AIG1: variants seen among roughly 807,000 people sequenced by gnomAD.
The protein encoded by AIG1 is androgen-induced gene 1 protein.
Under a neutral mutation model 31.4 loss-of-function variants are expected in AIG1, and 23 were observed. That is an observed-to-expected ratio of 0.73 (90% CI 0.53 to 1.04). The LOEUF (loss-of-function observed/expected upper bound fraction) is 1.04, where lower values mean the gene tolerates loss of function less well. Ranked by LOEUF, AIG1 falls within the 50% of genes least tolerant of loss-of-function variation. AIG1 has a pLI of 0.00. For synonymous variants in AIG1, 100 were observed against 110.5 expected, an observed-to-expected ratio of 0.90 and a Z score of 0.60; for missense variants, 274 against 295.0, an observed-to-expected ratio of 0.93 and a Z score of 0.52.
At chr6:143,077,931 T>C (rs1412215878) in intron 1 of AIG1, among the ~76,000 whole-genome samples, 1 of 152,256 alleles carries the variant, frequency 6.6e-6, no homozygotes, top group Non-Finnish European at 1.5e-5. Context: ...ATGAGGATCC[T>C]ACTCCTTTAA....
At chr6:143,102,708 A>G (rs1656792151) in intron 1 of AIG1, among the ~76,000 whole-genome samples, 1 of 151,488 alleles carries the variant, frequency 6.6e-6, no homozygotes, top group South Asian at 2.1e-4. Context: ...TCCCCTCTCT[A>G]CTCCTTTACA....
intron 2 of AIG1, among the ~76,000 whole-genome samples, chr6:143,146,479 C>A (rs1342492435): frequency 6.6e-6 from 1 of 151,276 alleles, no homozygotes; most frequent in Non-Finnish European, 1.5e-5. Flanking sequence ...TATCTCACTC[C>A]CCCCTCTTTC....
chr6:143,221,149 T>C (rs570434063), intron 3 of AIG1, among the ~76,000 whole-genome samples: 7 of 152,316 alleles, frequency 4.6e-5, no homozygotes, highest in African/African-American at 1.7e-4. Flanking sequence ...ATATTCTTTT[T>C]CTTAGCTAGT....
chr6:143,195,038 G>A (rs961757593), intron 3 of AIG1, among the ~76,000 whole-genome samples: 2 of 152,132 alleles, frequency 1.3e-5, no homozygotes, highest in African/African-American at 4.8e-5. Flanking sequence ...CTTGTTTGTG[G>A]GATTGTTCTG....
At chr6:143,182,571 C>G (rs1788832433) in intron 3 of AIG1, among the ~76,000 whole-genome samples, 1 of 152,154 alleles carries the variant, frequency 6.6e-6, no homozygotes, top group Non-Finnish European at 1.5e-5. Context: ...TGCAGCTAAC[C>G]CCATACTCCC....
At chr6:143,157,062 C>A (rs1260770795) in intron 2 of AIG1, among the ~76,000 whole-genome samples, 2 of 152,080 alleles carry the variant, frequency 1.3e-5, no homozygotes, top group Non-Finnish European at 2.9e-5. Flanking sequence ...ACCTTGCAGA[C>A]CTTGCTTAAT....
chr6:143,077,479 G>A (rs190448371), intron 1 of AIG1, among the ~76,000 whole-genome samples: 2 of 152,290 alleles, frequency 1.3e-5, no homozygotes, highest in Admixed American at 1.3e-4. Flanking sequence ...GTTCTGGTTA[G>A]CAGTTCTTTT....
intron 3 of AIG1, among the ~76,000 whole-genome samples, chr6:143,184,337 C>T (rs1276336261): frequency 6.6e-6 from 1 of 152,196 alleles, no homozygotes; most frequent in African/African-American, 2.4e-5. Context: ...TCACTCTCTC[C>T]CATGATTTCA....
intron 3 of AIG1, among the ~76,000 whole-genome samples, chr6:143,167,932 G>A (rs1787120287): frequency 1.3e-5 from 2 of 152,150 alleles, no homozygotes; most frequent in African/African-American, 4.8e-5. Context: ...GGTGGCTGAT[G>A]TGTATTTTGC....
In AIG1 at chr6:143,288,740, G is replaced by A. The variant is rs917241418; in HGVS notation, c.515+4515G>A. Among the ~76,000 whole-genome samples the A allele has an allele frequency of 1.4e-4, 21 of 152,188 alleles. No homozygotes were observed. Among genetic ancestry groups the A allele is most frequent in the African/African-American group, 4.8e-4 (20 of 41,436 alleles). On this transcript the variant is annotated intron_variant, in intron 4 of 5. Transcript: ENST00000357847. This position sits in a 1 kb window ranked among gnomAD's most constrained non-coding sequence, Gnocchi z 4.4. ...CCAGGAAACAGTCTCAAGAGGTCCT[G>A]AGAAAGTGTGCCCAAGATGGTTGGG...
Position 143,258,800 on chromosome 6 carries a change from A to G in AIG1, c.400-25310A>G, listed in dbSNP as rs1215978999. On this transcript the variant is annotated intron_variant, in intron 3 of 5. Transcript: ENST00000357847. This position sits in a 1 kb window ranked among gnomAD's most constrained non-coding sequence, Gnocchi z 4.7. Reference sequence around the variant, plus strand: ...GTCCCCTCTGTGTTGGTGTTGGAAGATGTGGTCTAATGGGAGGTGTTTGGG... The same window carrying G: ...GTCCCCTCTGTGTTGGTGTTGGAAGGTGTGGTCTAATGGGAGGTGTTTGGG... 6.6e-6 allele frequency among the ~76,000 whole-genome samples: 1 copy of G among 152,194 alleles called. No individual in the cohort carries two copies. Among genetic ancestry groups the G allele is most frequent in the Non-Finnish European group, 1.5e-5 (1 of 68,038 alleles).
In AIG1 at chr6:143,165,100, T is replaced by C; in HGVS notation, c.316T>C (p.Trp106Arg). 6.2e-7 allele frequency: 1 copy of C among 1,613,236 alleles called. No individual in the cohort carries two copies. The highest frequency in any genetic ancestry group is 1.7e-4 in the Middle Eastern group (1 of 6,058). ...PVGVFVVAVF[W>R]IIYAYDREMI... ...CTTCCAGTTTGTTGTAGCAGTGTTC[T>C]GGATCATTTATGCCTATGACAGAGA... Residue 106 changes from tryptophan (W) to arginine (R), a missense_variant, in exon 3 of 6, where the codon TGG (tryptophan) becomes CGG (arginine). By Grantham distance (101) the Trp-to-Arg change is moderately radical. Transcript: ENST00000357847.
intron 1 of AIG1, among the ~76,000 whole-genome samples, chr6:143,120,544 C>T (rs1782154570): frequency 6.6e-6 from 1 of 152,090 alleles, no homozygotes; most frequent in South Asian, 2.1e-4. Flanking sequence ...CTTTATAAAA[C>T]CATCCGATCT....
At chr6:143,270,389 A>G (rs1562542734) in intron 3 of AIG1, among the ~76,000 whole-genome samples, 1 of 152,254 alleles carries the variant, frequency 6.6e-6, no homozygotes, top group Non-Finnish European at 1.5e-5. Context: ...CAGAAATGTT[A>G]TCCATTTCTT....
intron 1 of AIG1, among the ~76,000 whole-genome samples, chr6:143,087,450 G>A (rs886100480): frequency 3.9e-5 from 6 of 152,210 alleles, no homozygotes; most frequent in Non-Finnish European, 5.9e-5. Flanking sequence ...AGCCGTGCCC[G>A]AACATTGGTG....
chr6:143,195,443 A>T (rs976525883), intron 3 of AIG1, among the ~76,000 whole-genome samples: 2 of 152,216 alleles, frequency 1.3e-5, no homozygotes, highest in African/African-American at 4.8e-5. Flanking sequence ...AACGTGACTC[A>T]GTGTTATCCT....
chr6:143,257,052 A>T (rs1795419684), intron 3 of AIG1, among the ~76,000 whole-genome samples: 1 of 152,242 alleles, frequency 6.6e-6, no homozygotes, highest in Non-Finnish European at 1.5e-5. Flanking sequence ...TACACATTTA[A>T]GATATCTTAT....
intron 3 of AIG1, among the ~76,000 whole-genome samples, chr6:143,233,530 G>A (rs1793600006): frequency 6.8e-6 from 1 of 147,910 alleles, no homozygotes; most frequent in Admixed American, 6.9e-5. Context: ...ACCAGAGTAG[G>A]TTCAGAGAGA....
At chr6:143,103,237 A>G (rs1022724640) in intron 1 of AIG1, among the ~76,000 whole-genome samples, 105 of 152,200 alleles carry the variant, frequency 6.9e-4, no homozygotes, top group Non-Finnish European at 2.6e-4. Flanking sequence ...TCAACAGCAT[A>G]GAAGTATAGT....
Sources: gnomAD v4.1 joint callset for allele counts (sites outside exome capture counted in the v4.1 genomes callset) on GRCh38, gnomAD v4.1.1 for gene constraint, Gnocchi (gnomAD v3.1) non-coding constraint, MANE v1.5 for transcripts, NCBI Gene and HGNC (gene_info 2026-07-23, HGNC 2026-07-21) for gene names.